Variants in NEURL1 observed in about 807,000 individuals in gnomAD.
The protein encoded by NEURL1 is E3 ubiquitin-protein ligase NEURL1.
In NEURL1, 26 loss-of-function variants were observed where a neutral mutation model predicts 41.2. The observed-to-expected ratio is 0.63, with a 90% confidence interval of 0.46 to 0.87. The LOEUF (loss-of-function observed/expected upper bound fraction) is 0.87, where lower values mean the gene tolerates loss of function less well. NEURL1 is among the 40% of genes least tolerant of loss of function. The probability of loss-of-function intolerance (pLI) is 0.00; values close to 1 mark genes in which losing one functional copy is unlikely to be tolerated. For missense variants in NEURL1, 761 were observed against 871.1 expected (o/e 0.87, Z 1.59); for synonymous variants, 400 against 402.3 (o/e 0.99, Z 0.07).
At chr10:103,579,065 G>A (rs11815048) in intron 3 of NEURL1, among the ~76,000 whole-genome samples, 31,921 of 152,186 alleles carry the variant, frequency 0.21, 3,773 homozygotes, top group African/African-American at 0.29. Flanking sequence ...AGGAGGCCCC[G>A]GCCTGCCCTG....
chr10:103,500,445 A>G (rs759354086), intron 1 of NEURL1, among the ~76,000 whole-genome samples: 1 of 152,108 alleles, frequency 6.6e-6, no homozygotes, highest in African/African-American at 2.4e-5. Flanking sequence ...CAGACTTTAG[A>G]GTTTATTATT....
chr10:103,524,254 A>G (rs1052264673), intron 1 of NEURL1, among the ~76,000 whole-genome samples: 4 of 152,162 alleles, frequency 2.6e-5, no homozygotes, highest in Non-Finnish European at 5.9e-5. Context: ...AGAGATATCT[A>G]TTCAGCTCAT....
At chr10:103,567,229 C>T (rs1266320584) in intron 1 of NEURL1, among the ~76,000 whole-genome samples, 5 of 152,080 alleles carry the variant, frequency 3.3e-5, no homozygotes, top group African/African-American at 1.2e-4. Context: ...AGTGATCCGC[C>T]TGCCTCAGCC....
chr10:103,527,501 G>T (rs2034485409), intron 1 of NEURL1, among the ~76,000 whole-genome samples: 1 of 151,888 alleles, frequency 6.6e-6, no homozygotes, highest in Non-Finnish European at 1.5e-5. Flanking sequence ...CACCATGTTG[G>T]CCAGGCTGGT....
intron 1 of NEURL1, among the ~76,000 whole-genome samples, chr10:103,505,622 C>T (rs903051427): frequency 6.6e-6 from 1 of 152,208 alleles, no homozygotes; most frequent in Non-Finnish European, 1.5e-5. Flanking sequence ...ACCTTAGCCT[C>T]CTAACGTGTT....
chr10:103,515,284 CT>C (rs939177213), intron 1 of NEURL1: 1 of 142,820 alleles, frequency 7.0e-6, no homozygotes, highest in Non-Finnish European at 1.5e-5. Flanking sequence ...TTTAGATATT[CT>C]TTCCAGAGGA....
At position 103,494,464 on chromosome 10, in the gene NEURL1, A is replaced by T; in HGVS notation, c.77A>T (p.Asn26Ile). 6.3e-7 allele frequency: 1 copy of T among 1,582,662 alleles called. No individual in the cohort carries two copies. Among genetic ancestry groups the T allele is most frequent in the East Asian group, 2.3e-5 (1 of 42,788 alleles). ...PSRAPRGHPQ[N>I]LKDSIGGPFP... is the part of the protein sequence containing the mutation. Reference sequence around the variant, plus strand: ...CGCGCGCCGCGGGGCCACCCCCAGAACCTCAAAGGTAGGCTCCCCGGCCGA... The same window carrying T: ...CGCGCGCCGCGGGGCCACCCCCAGATCCTCAAAGGTAGGCTCCCCGGCCGA... Residue 26 changes from asparagine to isoleucine, a missense_variant, in exon 1 of 6, where the codon AAC becomes ATC. Physicochemically the swap from Asn to Ile is moderately radical, Grantham distance 149 (BLOSUM62 -3). Transcript: ENST00000369780.
chr10:103,570,052 T>A (rs2035505985), intron 1 of NEURL1, among the ~76,000 whole-genome samples: 1 of 152,194 alleles, frequency 6.6e-6, no homozygotes, highest in African/African-American at 2.4e-5. Context: ...GCAGGCCCAA[T>A]GCCGAGCTCT....
At chr10:103,549,363 T>G (rs1277393461) in intron 1 of NEURL1, among the ~76,000 whole-genome samples, 2 of 152,232 alleles carry the variant, frequency 1.3e-5, no homozygotes, top group Non-Finnish European at 1.5e-5. Context: ...CCCTCTGGGC[T>G]CCCTGGCTCC....
In NEURL1 at chr10:103,533,739, T is replaced by C. The variant is rs548767445; in HGVS notation, c.86-37133T>C. Among the ~76,000 whole-genome samples the C allele has an allele frequency of 1.2e-4, 19 of 152,302 alleles. No individual in the cohort carries two copies. In the South Asian group the frequency reaches 2.1e-3, roughly 17 times the overall value. On this transcript the variant is annotated intron_variant, in intron 1 of 5. Coordinates refer to ENST00000369780, the MANE Select transcript of NEURL1 (RefSeq NM_004210.5). ...TTTTAGTAGAGACGGGGTTTCACCG[T>C]GTTAGCCAGGATGGTCTCGATCTGC...
In NEURL1 at chr10:103,555,441, C is replaced by T. The variant is rs368137551; in HGVS notation, c.86-15431C>T. 3,672 of 1,349,502 alleles carry T rather than the reference C, an allele frequency of 2.7e-3. 11 individuals are homozygous for T. The highest frequency in any genetic ancestry group is 3.3e-3 in the Non-Finnish European group (3,329 of 1,014,732). 83.6% of individuals were successfully genotyped at this position (1,349,502 alleles called of 1,614,324 possible). On this transcript the variant is annotated intron_variant, in intron 1 of 5. Transcript: ENST00000369780. ...AAGGCCCCGCGGATGCCTGCGGGCC[C>T]GCCCACCCCAGCCCGAGACCGCCTG...
chr10:103,504,568 A>C (rs948659943), intron 1 of NEURL1, among the ~76,000 whole-genome samples: 1 of 152,168 alleles, frequency 6.6e-6, no homozygotes, highest in African/African-American at 2.4e-5. Context: ...CGCCTGGCTG[A>C]GGGAGTGCTT....
chr10:103,579,910 C>T (rs1005485167), intron 3 of NEURL1, among the ~76,000 whole-genome samples: 34 of 152,182 alleles, frequency 2.2e-4, no homozygotes, highest in African/African-American at 7.7e-4. Context: ...CGTGCCACTG[C>T]ACTCCAGCCT....
chr10:103,551,297 ATTTT>A (rs528332099), intron 1 of NEURL1, among the ~76,000 whole-genome samples: 19,731 of 117,990 alleles, frequency 0.17, 1,262 homozygotes, highest in South Asian at 0.29. Flanking sequence ...GGTCAAATGA[ATTTT>A]TTTTTTTTTT....
rs2035437996 is a variant in NEURL1 at position 103,566,985 on chromosome 10, T to TC, written c.86-3887_86-3886insC. On this transcript the variant is annotated intron_variant, in intron 1 of 5. Transcript: ENST00000369780. The surrounding 1 kb of genome is among the most constrained non-coding windows in gnomAD (Gnocchi z 4.2). ...ACTTTGTTTCTTTTCTTTCTTTCTT[T>TC]TTTTTTTTTTTGTTTGAGACAGAGT... 6.6e-6 allele frequency among the ~76,000 whole-genome samples: 1 copy of TC among 151,016 alleles called. No homozygotes were observed. Among genetic ancestry groups the TC allele is most frequent in the South Asian group, 2.1e-4 (1 of 4,814 alleles).
intron 1 of NEURL1, among the ~76,000 whole-genome samples, chr10:103,531,037 T>G (rs2034559682): frequency 6.6e-6 from 1 of 151,908 alleles, no homozygotes; most frequent in Non-Finnish European, 1.5e-5. Context: ...TTGGTCAATA[T>G]GGTGACACCC....
At chr10:103,563,472 C>G (rs75489691) in intron 1 of NEURL1, among the ~76,000 whole-genome samples, 1 of 151,996 alleles carries the variant, frequency 6.6e-6, no homozygotes, top group Non-Finnish European at 1.5e-5. Flanking sequence ...GAAAGTGAGA[C>G]GAGACTGTCT....
intron 1 of NEURL1, among the ~76,000 whole-genome samples, chr10:103,569,994 T>C (rs967524817): frequency 1.3e-5 from 2 of 152,202 alleles, no homozygotes; most frequent in Admixed American, 6.5e-5. Context: ...TCCATCTCCT[T>C]CCTGGAAGCT....
At chr10:103,585,287 G>T in intron 4 of NEURL1, 62 bp downstream of exon 4, 1 of 1,351,372 alleles carries the variant, frequency 7.4e-7, no homozygotes, top group South Asian at 1.5e-5. Flanking sequence ...GATCCGGGTA[G>T]GAGACAAAGG....
Sources: gnomAD v4.1 joint callset for allele counts (sites outside exome capture counted in the v4.1 genomes callset) on GRCh38, gnomAD v4.1.1 for gene constraint, Gnocchi (gnomAD v3.1) non-coding constraint, MANE v1.5 for transcripts, NCBI Gene and HGNC (gene_info 2026-07-23, HGNC 2026-07-21) for gene names.